Variants in APOLD1 observed in about 807,000 individuals in gnomAD.
APOLD1 encodes apolipoprotein L domain containing 1.
APOLD1 carries 22 observed loss-of-function variants against 15.3 expected under a neutral mutation model. The observed-to-expected ratio is 1.44, with a 90% CI of 1.03 to 2.05. APOLD1 has a LOEUF of 2.05. APOLD1 is among the 30% of genes most tolerant of loss of function. The probability of loss-of-function intolerance (pLI) is 0.00; values close to 1 mark genes in which losing one functional copy is unlikely to be tolerated. For missense variants in APOLD1, 394 were observed against 353.5 expected, an observed-to-expected ratio of 1.11 and a Z score of -0.92; for synonymous variants, 190 against 167.4, an observed-to-expected ratio of 1.13 and a Z score of -1.04.
intron 1 of APOLD1, among the ~76,000 whole-genome samples, chr12:12,758,555 A>C (rs1946875706): frequency 6.6e-6 from 1 of 152,124 alleles, no homozygotes; most frequent in African/African-American, 2.4e-5. Context: ...AAGCAAAACA[A>C]AACAAATCAA....
At position 12,790,823 on chromosome 12, in the gene APOLD1, C is replaced by T. The variant is rs1021834401; in HGVS notation, c.*3171C>T. 1 of 152,154 alleles carries T rather than the reference C, an allele frequency of 6.6e-6. No homozygotes were observed. Among genetic ancestry groups the T allele is most frequent in the African/African-American group, 2.4e-5 (1 of 41,444 alleles). 9.4% of individuals were successfully genotyped at this position (152,154 alleles called of 1,614,324 possible). A position where few individuals can be genotyped will look rare whatever the true frequency, so the allele number is the denominator to read the frequency against. On this transcript the variant is annotated 3_prime_UTR_variant, in exon 2 of 2. Coordinates refer to ENST00000356591, the MANE Select transcript of APOLD1 (RefSeq NM_030817.3). ...AGTTCAGTTAGATTGATTCTAGAAA[C>T]AAATATTTATTTCTTTCTTTTACGG...
rs1167285791 is a variant in APOLD1, at chr12:12,785,676, A to T, written c.-16A>T. 6.2e-7 allele frequency: 1 copy of T among 1,614,086 alleles called. No individual in the cohort carries two copies. Among genetic ancestry groups the T allele is most frequent in the African/African-American group, 1.3e-5 (1 of 74,948 alleles). ...ACAGCCTCAGATTTTACTTTCCTGG[A>T]GGCAGACAGAAGTGAATGGTAAGTG... On this transcript the variant is annotated 5_prime_UTR_variant, in exon 1 of 2. Coordinates refer to ENST00000356591, the MANE Select transcript of APOLD1 (RefSeq NM_030817.3).
chr12:12,746,723 G>A (rs1276327542), intron 1 of APOLD1, among the ~76,000 whole-genome samples: 3 of 152,098 alleles, frequency 2.0e-5, no homozygotes, highest in African/African-American at 7.2e-5. Context: ...TTGGGTTTCT[G>A]GATGATCCTA....
At chr12:12,740,517 C>G (rs1946722868) in intron 1 of APOLD1, among the ~76,000 whole-genome samples, 1 of 152,206 alleles carries the variant, frequency 6.6e-6, no homozygotes. Flanking sequence ...TTGTCCTAAC[C>G]TTTAGGAAAT....
intron 1 of APOLD1, among the ~76,000 whole-genome samples, chr12:12,756,003 A>T (rs1946855345): frequency 6.6e-6 from 1 of 152,186 alleles, no homozygotes; most frequent in East Asian, 1.9e-4. Context: ...ATAAGTCTAT[A>T]TCCTATTAGT....
exon 1 of APOLD1, chr12:12,726,056 C>T: frequency 6.5e-7 from 1 of 1,532,282 alleles, no homozygotes. Flanking sequence ...AAGGCGCGGG[C>T]AGGAGCCTGG....
In APOLD1 at chr12:12,787,540, C is replaced by A. The variant is rs1376833198; in HGVS notation, c.635C>A (p.Ala212Asp). The change falls in exon 2 of 2, where the codon GCT (alanine) becomes GAT (aspartate). Residue 212 changes from alanine (A) to aspartate (D), a missense_variant. Transcript: ENST00000356591. The surrounding 1 kb of genome is among the most constrained non-coding windows in gnomAD (Gnocchi z 4.9). ...LAESLESCTG[A>D]LDELSEQLES... is the part of the protein sequence containing the mutation. ...GAGAGCCTGGAGTCCTGCACCGGGG[C>A]TCTGGACGAACTCAGCGAGCAGCTG... The A allele has an allele frequency of 6.2e-7, 1 of 1,613,874 alleles. No individual in the cohort carries two copies. The highest frequency in any genetic ancestry group is 1.7e-5 in the Admixed American group (1 of 60,032).
intron 1 of APOLD1, 79 bp from the exon 2 acceptor site, chr12:12,786,830 C>T: frequency 9.1e-6 from 12 of 1,323,700 alleles, no homozygotes; most frequent in Non-Finnish European, 1.1e-5. Flanking sequence ...GCCAAGTTCC[C>T]GCTGGCGTCC....
chr12:12,746,496 CAAAT>C (rs757082166), intron 1 of APOLD1, among the ~76,000 whole-genome samples: 11 of 140,038 alleles, frequency 7.9e-5, no homozygotes, highest in East Asian at 2.2e-4. Flanking sequence ...AACTCCATCT[CAAAT>C]AAATAAATAA....
At chr12:12,786,100 C>T (rs969070737) in intron 1 of APOLD1, among the ~76,000 whole-genome samples, 2 of 152,140 alleles carry the variant, frequency 1.3e-5, no homozygotes. Context: ...TTGGCTTCAA[C>T]GTGGTAGAAG....
intron 1 of APOLD1, among the ~76,000 whole-genome samples, chr12:12,751,647 A>C (rs1309048602): frequency 6.6e-6 from 1 of 152,192 alleles, no homozygotes; most frequent in African/African-American, 2.4e-5. Flanking sequence ...CAGCACGCCC[A>C]CCCAGGAGTG....
At chr12:12,776,003 CAAAAAAAAAA>C (rs34623976) in intron 1 of APOLD1, among the ~76,000 whole-genome samples, 2 of 62,204 alleles carry the variant, frequency 3.2e-5, no homozygotes, top group Non-Finnish European at 5.7e-5. Flanking sequence ...GACCCAGTCT[CAAAAAAAAAA>C]AAAAAAAAAA....
intron 1 of APOLD1, among the ~76,000 whole-genome samples, chr12:12,736,365 C>CAAA (rs111417340): frequency 4.1e-5 from 4 of 96,482 alleles, no homozygotes; most frequent in African/African-American, 1.6e-4. Context: ...AAAAACAAAA[C>CAAA]AAAACAAAAA....
intron 1 of APOLD1, among the ~76,000 whole-genome samples, chr12:12,745,267 C>A (rs1394988485): frequency 1.3e-5 from 2 of 152,102 alleles, no homozygotes; most frequent in African/African-American, 4.8e-5. Flanking sequence ...GAAGGCCGGG[C>A]GAGGTGGCAC....
chr12:12,755,580 C>G (rs551591547), intron 1 of APOLD1, among the ~76,000 whole-genome samples: 2 of 152,300 alleles, frequency 1.3e-5, no homozygotes, highest in East Asian at 3.9e-4. Flanking sequence ...GTGGCTCACC[C>G]TTGTAATCCC....
At chr12:12,778,254 G>T (rs1431645496) in intron 1 of APOLD1, among the ~76,000 whole-genome samples, 1 of 151,256 alleles carries the variant, frequency 6.6e-6, no homozygotes, top group African/African-American at 2.4e-5. Context: ...ACAATGATCT[G>T]ATGGTTTACA....
chr12:12,742,288 G>A lies in APOLD1; in HGVS notation c.96+16192G>A, dbSNP rs570526124. On this transcript the variant is annotated intron_variant, in intron 1 of 1. Transcript: ENST00000326765. ...CCACTTTTTATGGCAGGTTGCAACT[G>A]TCAAAGGACATTTTAGGGTCGAGAA... Among the ~76,000 whole-genome samples the A allele has an allele frequency of 9.2e-4, 140 of 152,302 alleles. 2 individuals carry two copies. Among genetic ancestry groups the A allele is most frequent in the Non-Finnish European group, 4.0e-4 (27 of 68,028 alleles).
intron 1 of APOLD1, chr12:12,786,682 C>G (rs779063730): frequency 1.0e-6 from 1 of 985,436 alleles, no homozygotes; most frequent in Non-Finnish European, 1.2e-6. Flanking sequence ...ATTCCTATTT[C>G]CATATGCAGA....
rs949011920 is a variant in APOLD1 at position 12,788,766 on chromosome 12, C to A, written c.*1114C>A. ...CACTAAGGTTTGAAAATCACTGCAA[C>A]AAATGCTAACTTCTAATCCCCTTGA... On this transcript the variant is annotated 3_prime_UTR_variant, in exon 2 of 2. Coordinates refer to ENST00000356591, the MANE Select transcript of APOLD1 (RefSeq NM_030817.3). 1.3e-5 allele frequency: 2 copies of A among 152,194 alleles called. No individual in the cohort carries two copies. The highest frequency in any genetic ancestry group is 4.8e-5 in the African/African-American group (2 of 41,452). The allele number at this position is 152,194 out of a possible 1,614,324, so 9.4% of individuals were successfully genotyped here. A position where few individuals can be genotyped will look rare whatever the true frequency, so the allele number is the denominator to read the frequency against.
Sources: allele counts gnomAD v4.1 joint callset (sites outside exome capture counted in the v4.1 genomes callset), GRCh38; gene constraint gnomAD v4.1.1; non-coding constraint Gnocchi (gnomAD v3.1); transcripts MANE v1.5; gene names NCBI Gene and HGNC (gene_info 2026-07-23, HGNC 2026-07-21).